Variants in FEZ1 observed in about 807,000 individuals in gnomAD.
FEZ1 encodes fasciculation and elongation protein zeta 1, also known as fasciculation and elongation protein zeta-1.
Under a neutral mutation model 49.3 loss-of-function variants are expected in FEZ1, and 20 were observed. That is an observed-to-expected ratio of 0.41 (90% CI 0.29 to 0.59). The LOEUF is 0.59. FEZ1 is among the 20% of genes least tolerant of loss of function. The probability of loss-of-function intolerance (pLI) is 0.36; values close to 1 mark genes in which losing one functional copy is unlikely to be tolerated. For synonymous variants in FEZ1, 170 were observed against 180.9 expected (o/e 0.94, Z 0.48); for missense variants, 413 against 476.0 (o/e 0.87, Z 1.23).
intron 3 of FEZ1, among the ~76,000 whole-genome samples, chr11:125,478,406 C>T (rs915993015): frequency 6.6e-6 from 1 of 152,138 alleles, no homozygotes; most frequent in Non-Finnish European, 1.5e-5. Flanking sequence ...CGCGCCATTG[C>T]ACTCCAGCCT....
intron 3 of FEZ1, among the ~76,000 whole-genome samples, chr11:125,464,076 C>A (rs988779477): frequency 3.3e-5 from 5 of 152,190 alleles, no homozygotes; most frequent in Non-Finnish European, 7.3e-5. Flanking sequence ...CATCCTGTTA[C>A]TGGAATCCAG....
At position 125,443,027 on chromosome 11, in the gene FEZ1, C is replaced by G. The variant is rs898839972; in HGVS notation, c.*3068G>C. Among the ~76,000 whole-genome samples the G allele has an allele frequency of 6.6e-6, 1 of 152,144 alleles. No individual in the cohort carries two copies. ...CTGGGATTACAGGCATGAGCCACCA[C>G]GCCCGGCCCTGTGGTGGAGTTTTCT... On this transcript the variant is annotated 3_prime_UTR_variant, in exon 10 of 10. Coordinates refer to ENST00000278919, the MANE Select transcript of FEZ1 (RefSeq NM_005103.5).
intron 5 of FEZ1, 68 bp from the exon 6 acceptor site, chr11:125,456,174 G>A (rs1957009486): frequency 2.1e-6 from 3 of 1,440,506 alleles, no homozygotes; most frequent in Non-Finnish European, 2.8e-6. Flanking sequence ...GAGGCTCCTG[G>A]GGCCACCACC....
At position 125,494,436 on chromosome 11, in the gene FEZ1, A is replaced by G. The variant is rs555802782; in HGVS notation, c.-46+1685T>C. 2.3e-4 allele frequency among the ~76,000 whole-genome samples: 35 copies of G among 152,292 alleles called. No individual in the cohort carries two copies. The South Asian group carries it at 7.3e-3, about 32-fold the overall frequency. On this transcript the variant is annotated intron_variant, in intron 1 of 9. Coordinates refer to ENST00000278919, the MANE Select transcript of FEZ1 (RefSeq NM_005103.5). ...AAACAACCTTATTTTCCATCCTGGC[A>G]AGCTTGCACCATCCTCATTCATAGC...
rs772045416 is a variant in FEZ1, at chr11:125,495,611, CG to C, written c.-46+509del. 12 of 465,604 alleles carry C rather than the reference CG, an allele frequency of 2.6e-5. No homozygotes were observed. The highest frequency in any genetic ancestry group is 5.3e-5 in the Non-Finnish European group (12 of 224,742). 28.8% of individuals were successfully genotyped at this position (465,604 alleles called of 1,614,324 possible). ...CTCTGGGGAGGGGCACGAGCGGGGTCGGGGGTAAGTTTTTAGGGACAAAGAT... is the reference window on the plus strand; with the variant it reads ...CTCTGGGGAGGGGCACGAGCGGGGTCGGGGTAAGTTTTTAGGGACAAAGAT... On this transcript the variant is annotated intron_variant, in intron 1 of 9. Transcript: ENST00000278919. This position sits in a 1 kb window ranked among gnomAD's most constrained non-coding sequence, Gnocchi z 4.2.
At chr11:125,491,780 G>C (rs1362712955) in intron 1 of FEZ1, among the ~76,000 whole-genome samples, 1 of 152,196 alleles carries the variant, frequency 6.6e-6, no homozygotes, top group Non-Finnish European at 1.5e-5. Context: ...GATTACCGTT[G>C]CTTTAAAACA....
intron 2 of FEZ1, among the ~76,000 whole-genome samples, chr11:125,483,014 T>C (rs1218508847): frequency 2.3e-5 from 3 of 131,064 alleles, no homozygotes; most frequent in Non-Finnish European, 4.8e-5. Flanking sequence ...ACTAAAATAT[T>C]AGATAATGAT....
intron 6 of FEZ1, among the ~76,000 whole-genome samples, chr11:125,455,027 A>AAT (rs1565532191): frequency 6.6e-6 from 1 of 151,182 alleles, no homozygotes; most frequent in Non-Finnish European, 1.5e-5. Flanking sequence ...AAAAAAAAAA[A>AAT]AAAGAAAAAA....
chr11:125,476,023 G>A (rs1024962210), intron 3 of FEZ1, among the ~76,000 whole-genome samples: 20 of 152,176 alleles, frequency 1.3e-4, no homozygotes, highest in African/African-American at 4.6e-4. Flanking sequence ...TAATTACATT[G>A]AGTTTAATAA....
intron 3 of FEZ1, among the ~76,000 whole-genome samples, chr11:125,465,061 G>A (rs151115607): frequency 3.5e-4 from 54 of 152,206 alleles, no homozygotes; most frequent in African/African-American, 1.3e-3. Context: ...TTTTCCTCCA[G>A]ACAAAAATTA....
In FEZ1 at chr11:125,489,039, G is replaced by A. The variant is rs1957355292; in HGVS notation, c.311+428C>T. On this transcript the variant is annotated intron_variant, in intron 2 of 9. Transcript: ENST00000278919. This position sits in a 1 kb window ranked among gnomAD's most constrained non-coding sequence, Gnocchi z 4.2. The stretch of plus-strand genomic sequence containing the variant: ...GATAACTCTCCAGGCCTGAGGGGCT[G>A]TCAAAAATTCGGGATTTTCAAAATT... 1.1e-5 allele frequency: 11 copies of A among 986,560 alleles called. No individual in the cohort carries two copies. Among genetic ancestry groups the A allele is most frequent in the Non-Finnish European group, 1.1e-5 (9 of 830,914 alleles). 61.1% of individuals were successfully genotyped at this position (986,560 alleles called of 1,614,324 possible). A position where few individuals can be genotyped will look rare whatever the true frequency, so the allele number is the denominator to read the frequency against.
intron 6 of FEZ1, among the ~76,000 whole-genome samples, chr11:125,454,808 G>T (rs1387338780): frequency 6.6e-6 from 1 of 152,000 alleles, no homozygotes; most frequent in Non-Finnish European, 1.5e-5. Context: ...GAGGTGAGGA[G>T]TTTGAGACCA....
chr11:125,464,752 T>A (rs958939861), intron 3 of FEZ1, among the ~76,000 whole-genome samples: 13 of 152,066 alleles, frequency 8.5e-5, no homozygotes, highest in Non-Finnish European at 1.8e-4. Flanking sequence ...AGCAAATATA[T>A]CTCAAATGCC....
At chr11:125,449,207 TA>T (rs758312586) in intron 8 of FEZ1, among the ~76,000 whole-genome samples, 1 of 146,420 alleles carries the variant, frequency 6.8e-6, no homozygotes, top group African/African-American at 2.5e-5. Context: ...TATGCCCAGC[TA>T]ATTTTTTTTT....
At chr11:125,486,160 A>G (rs1294130053) in intron 2 of FEZ1, among the ~76,000 whole-genome samples, 1 of 152,216 alleles carries the variant, frequency 6.6e-6, no homozygotes, top group African/African-American at 2.4e-5. Flanking sequence ...ATCTGATGAC[A>G]GGCAGTTTAT....
At chr11:125,488,837 G>T in intron 2 of FEZ1, 1 of 985,298 alleles carries the variant, frequency 1.0e-6, no homozygotes, top group Non-Finnish European at 1.2e-6. Flanking sequence ...ACTTTTCTCA[G>T]ATCCCTTTTC....
intron 3 of FEZ1, among the ~76,000 whole-genome samples, chr11:125,477,042 T>C (rs1165812096): frequency 6.6e-6 from 1 of 152,188 alleles, no homozygotes; most frequent in Non-Finnish European, 1.5e-5. Context: ...AGATGAAAGG[T>C]ACTAACTGGG....
chr11:125,488,702 A>AACAAT, intron 2 of FEZ1: 1 of 984,896 alleles, frequency 1.0e-6, no homozygotes, highest in Non-Finnish European at 1.2e-6. Context: ...AACAAAACAA[A>AACAAT]ACAAAAAAAC....
At chr11:125,463,847 G>T (rs1282914216) in intron 3 of FEZ1, among the ~76,000 whole-genome samples, 5 of 152,142 alleles carry the variant, frequency 3.3e-5, no homozygotes, top group Non-Finnish European at 4.4e-5. Context: ...GACTCAAAGG[G>T]GACAGCACCG....
Sources: gnomAD v4.1 joint callset for allele counts (sites outside exome capture counted in the v4.1 genomes callset) on GRCh38, gnomAD v4.1.1 for gene constraint, Gnocchi (gnomAD v3.1) non-coding constraint, MANE v1.5 for transcripts, NCBI Gene and HGNC (gene_info 2026-07-23, HGNC 2026-07-21) for gene names.